CYFIP1: variants seen among roughly 807,000 people sequenced by gnomAD.
CYFIP1 encodes cytoplasmic FMR1 interacting protein 1, also known as cytoplasmic FMR1-interacting protein 1.
Under a neutral mutation model 163.5 loss-of-function variants are expected in CYFIP1, and 58 were observed. That is an observed-to-expected ratio of 0.35 (90% CI 0.29 to 0.44). The LOEUF is 0.44. Among genes scored for constraint, CYFIP1 ranks in the 20% least tolerant of loss-of-function variants. CYFIP1 has a pLI of 1.00. For synonymous variants in CYFIP1, 663 were observed against 660.7 expected, an observed-to-expected ratio of 1.00 and a Z score of -0.05; for missense variants, 1,338 against 1,653.8, an observed-to-expected ratio of 0.81 and a Z score of 3.31.
At chr15:22,935,533 T>G (rs1696713264) in intron 9 of CYFIP1, among the ~76,000 whole-genome samples, 1 of 152,170 alleles carries the variant, frequency 6.6e-6, no homozygotes, top group African/African-American at 2.4e-5. Context: ...TAGGTGGACA[T>G]TAATGAAAAG....
chr15:22,941,720 C>G (rs968094349), intron 6 of CYFIP1, among the ~76,000 whole-genome samples: 2 of 152,086 alleles, frequency 1.3e-5, no homozygotes, highest in Admixed American at 6.5e-5. Flanking sequence ...AGAGGGGAAA[C>G]CCTCCTTCCC....
In CYFIP1 at chr15:22,918,693, T is replaced by A; in HGVS notation, c.1525A>T (p.Ser509Cys). The A allele has an allele frequency of 6.3e-7, 1 of 1,595,050 alleles. No homozygotes were observed. The highest frequency in any genetic ancestry group is 8.5e-7 in the Non-Finnish European group (1 of 1,171,236). Residue 509 changes from serine to cysteine, a missense_variant and splice_region_variant, in exon 14 of 31, where the codon AGT becomes TGT. By Grantham distance (112) the Ser-to-Cys change is moderately radical. Around this residue, in one of 4 missense-constraint regions of CYFIP1, gnomAD observed 824 missense variants for 995.7 expected, o/e 0.83. Transcript: ENST00000617928. The part of the protein sequence containing the change: ...AIKKKKNVIQ[S>C]VLQAIRKTVC... The stretch of plus-strand genomic sequence containing the variant: ...GCACAGGGCGTGGGGAAGGCTGACC[T>A]CTGGATGACGTTCTTCTTCTTCTTG...
At chr15:22,919,462 G>A (rs2061105282) in intron 13 of CYFIP1, among the ~76,000 whole-genome samples, 1 of 152,168 alleles carries the variant, frequency 6.6e-6, no homozygotes, top group Non-Finnish European at 1.5e-5. Flanking sequence ...CTTTACAATT[G>A]CATGAGCTTT....
chr15:22,962,387 T>G (rs1052081583), intron 1 of CYFIP1, among the ~76,000 whole-genome samples: 57 of 145,404 alleles, frequency 3.9e-4, no homozygotes, highest in African/African-American at 1.3e-3. Context: ...CTCATCTATA[T>G]TCTTCTTTTT....
chr15:22,952,598 TG>T (rs2062290767), intron 1 of CYFIP1, among the ~76,000 whole-genome samples: 1 of 126,654 alleles, frequency 7.9e-6, no homozygotes, highest in Non-Finnish European at 1.6e-5. Context: ...GAGGTTGCAG[TG>T]AGCTGAGATC....
intron 6 of CYFIP1, among the ~76,000 whole-genome samples, chr15:22,941,899 G>A (rs143926751): frequency 2.0e-5 from 3 of 152,212 alleles, no homozygotes; most frequent in South Asian, 4.1e-4. Flanking sequence ...AAGCCAAAAC[G>A]GCGGCTGAGA....
chr15:22,871,530 T>C (rs1411778768), intron 30 of CYFIP1, among the ~76,000 whole-genome samples: 3 of 152,108 alleles, frequency 2.0e-5, no homozygotes, highest in Non-Finnish European at 4.4e-5. Context: ...GAAGGGCCCC[T>C]GAGAGAGGCC....
chr15:22,939,554 A>AT (rs1555416198), intron 6 of CYFIP1, 47 bp from the exon 7 acceptor site: 12 of 586,860 alleles, frequency 2.0e-5, no homozygotes, highest in Admixed American at 5.2e-5. Flanking sequence ...AACGTGCCAC[A>AT]TTTAAAAAAA....
intron 9 of CYFIP1, among the ~76,000 whole-genome samples, chr15:22,936,068 T>C (rs546932314): frequency 6.6e-5 from 10 of 152,054 alleles, no homozygotes; most frequent in African/African-American, 2.4e-4. Flanking sequence ...GGCCAGGAGT[T>C]CGAGACCAGC....
chr15:22,899,030 G>A (rs150634623), intron 22 of CYFIP1, among the ~76,000 whole-genome samples: 2 of 151,898 alleles, frequency 1.3e-5, no homozygotes, highest in East Asian at 3.9e-4. Flanking sequence ...TAGAGACGAG[G>A]TCTCCTTATG....
chr15:22,921,661 A>G (rs575320576), intron 13 of CYFIP1, among the ~76,000 whole-genome samples: 45 of 151,602 alleles, frequency 3.0e-4, no homozygotes, highest in African/African-American at 1.0e-3. Context: ...TACTAAAAAT[A>G]CAAAAATTGG....
rs753779241 is a variant in CYFIP1, at chr15:22,944,850, C to A, written c.285+12G>T. ...GTGTGGCTGGAGGGGAAGAGCCAGG[C>A]GAGCGTGGCACCTGTGGGATGGCCC... On this transcript the variant is annotated intron_variant, in intron 4 of 30. Coordinates refer to ENST00000617928, the MANE Select transcript of CYFIP1 (RefSeq NM_014608.6). The A allele has an allele frequency of 1.2e-6, 2 of 1,612,470 alleles. No homozygotes were observed.
intron 25 of CYFIP1, among the ~76,000 whole-genome samples, chr15:22,880,515 A>T (rs2059725042): frequency 6.6e-6 from 1 of 152,224 alleles, no homozygotes; most frequent in Admixed American, 6.5e-5. Context: ...AGAGCAAGGC[A>T]GGCGTCTCAA....
chr15:22,902,885 T>TCTCTCATCAGAG (rs564989713), intron 22 of CYFIP1, among the ~76,000 whole-genome samples: 3 of 152,140 alleles, frequency 2.0e-5, no homozygotes, highest in African/African-American at 7.2e-5. Flanking sequence ...GCCTCTCCTC[T>TCTCTCATCAGAG]CTCTCATCAG....
chr15:22,870,329 G>GTTTT, intron 30 of CYFIP1, 137 bp from the exon 31 acceptor site: 32 of 833,008 alleles, frequency 3.8e-5, no homozygotes, highest in Admixed American at 7.0e-5. Flanking sequence ...TTCTTTTTGG[G>GTTTT]TTTTTTTTTG....
chr15:22,936,077 G>A (rs2061702044), intron 9 of CYFIP1, among the ~76,000 whole-genome samples: 2 of 152,094 alleles, frequency 1.3e-5, no homozygotes, highest in South Asian at 4.1e-4. Flanking sequence ...TTCGAGACCA[G>A]CCTGGGCAAC....
rs758694840 is a variant in CYFIP1 at position 22,879,925 on chromosome 15, G to A, written c.3030C>T (p.Ile1010=). Residue 1010 remains isoleucine, a synonymous_variant, in exon 26 of 31, where the codon ATC becomes ATT. Transcript: ENST00000617928. The part of the protein sequence containing the change: ...VGNAILFCLL[I]EQSLSLEEVC... ...GGGGGCCACTCACCAGGCTCTGCTCGATGAGCAGGCAGAAGAGGATGGCGT... is the reference window on the plus strand; with the variant it reads ...GGGGGCCACTCACCAGGCTCTGCTCAATGAGCAGGCAGAAGAGGATGGCGT... 80 of 1,611,952 alleles carry A rather than the reference G, an allele frequency of 5.0e-5. No homozygotes were observed. The African/African-American group carries it at 7.3e-4, about 15-fold the overall frequency.
chr15:22,951,080 G>A (rs1226094004), intron 1 of CYFIP1, among the ~76,000 whole-genome samples: 1 of 152,128 alleles, frequency 6.6e-6, no homozygotes, highest in African/African-American at 2.4e-5. Flanking sequence ...GCATCCACGC[G>A]GGGTGTTGGG....
intron 23 of CYFIP1, 96 bp downstream of exon 23, chr15:22,892,794 A>G: frequency 1.2e-6 from 1 of 834,786 alleles, no homozygotes; most frequent in East Asian, 2.5e-5. Flanking sequence ...ACAGCGTGAT[A>G]CATTTAGGTC....
Sources: allele counts gnomAD v4.1 joint callset (sites outside exome capture counted in the v4.1 genomes callset), GRCh38; gene constraint gnomAD v4.1.1; regional missense constraint gnomAD v4.1.1; transcripts MANE v1.5; gene names NCBI Gene and HGNC (gene_info 2026-07-23, HGNC 2026-07-21).